Variants in FAM3D observed in about 807,000 individuals in gnomAD.
FAM3D encodes the protein protein FAM3D.
FAM3D carries 26 observed loss-of-function variants against 29.8 expected under a neutral mutation model. The ratio of observed to expected loss-of-function variants is 0.87; its 90% CI spans 0.64 to 1.21. The LOEUF (loss-of-function observed/expected upper bound fraction) is 1.21, where lower values mean the gene tolerates loss of function less well. Ranked by LOEUF, FAM3D falls within the 50% of genes most tolerant of loss-of-function variation. FAM3D has a pLI of 0.00. For synonymous variants in FAM3D, 115 were observed against 102.3 expected (o/e 1.12, Z -0.75); for missense variants, 253 against 290.9 (o/e 0.87, Z 0.95).
intron 6 of FAM3D, among the ~76,000 whole-genome samples, chr3:58,643,074 C>T (rs1042476513): frequency 2.0e-5 from 3 of 152,232 alleles, no homozygotes; most frequent in Admixed American, 6.5e-5. Flanking sequence ...CTGAACCACC[C>T]GGGGTCTGTC....
chr3:58,666,339 C>A (rs1169444564), intron 1 of FAM3D, among the ~76,000 whole-genome samples: 1 of 152,176 alleles, frequency 6.6e-6, no homozygotes, highest in East Asian at 1.9e-4. Flanking sequence ...CCCCAGAATC[C>A]TTTTTATCAC....
At chr3:58,647,370 C>A (rs1318861673) in intron 4 of FAM3D, among the ~76,000 whole-genome samples, 1 of 152,202 alleles carries the variant, frequency 6.6e-6, no homozygotes, top group East Asian at 1.9e-4. Context: ...GGGGCCCAGC[C>A]CCCACCTATG....
At position 58,666,562 on chromosome 3, in the gene FAM3D, T is replaced by C. The variant is rs1210738264; in HGVS notation, c.-39+14A>G. The C allele has an allele frequency of 6.6e-6, 1 of 152,232 alleles. No homozygotes were observed. Among genetic ancestry groups the C allele is most frequent in the Non-Finnish European group, 1.5e-5 (1 of 68,056 alleles). The allele number at this position is 152,232 out of a possible 1,614,324, so 9.4% of individuals were successfully genotyped here. ...CCTGGAACCATAGCCCTTTCCATTC[T>C]TGGGGGGACGTACCCGAGGGCTCGA... On this transcript the variant is annotated intron_variant, in intron 1 of 9. Transcript: ENST00000358781.
At chr3:58,649,512 A>C (rs2066570911) in intron 3 of FAM3D, 174 bp from the exon 4 acceptor site, 1 of 683,616 alleles carries the variant, frequency 1.5e-6, no homozygotes, top group Non-Finnish European at 2.6e-6. Flanking sequence ...ATACACACAC[A>C]GCACACATAT....
chr3:58,638,667 T>A (rs2066243035), intron 7 of FAM3D, among the ~76,000 whole-genome samples: 1 of 152,232 alleles, frequency 6.6e-6, no homozygotes, highest in Admixed American at 6.5e-5. Context: ...GGGCCCCGTG[T>A]GACTGCCCTG....
intron 6 of FAM3D, among the ~76,000 whole-genome samples, chr3:58,642,740 C>G (rs990762900): frequency 3.3e-5 from 5 of 152,138 alleles, no homozygotes; most frequent in Non-Finnish European, 7.4e-5. Context: ...TGCCTCCAGC[C>G]CCCCTACTCC....
intron 5 of FAM3D, among the ~76,000 whole-genome samples, chr3:58,644,124 T>C (rs1230058210): frequency 6.6e-6 from 1 of 152,198 alleles, no homozygotes; most frequent in Non-Finnish European, 1.5e-5. Context: ...CACCCTTGTC[T>C]CTGGATGTGC....
At chr3:58,658,845 G>A (rs1279422437) in intron 1 of FAM3D, among the ~76,000 whole-genome samples, 1 of 152,172 alleles carries the variant, frequency 6.6e-6, no homozygotes, top group Non-Finnish European at 1.5e-5. Context: ...TAAGTCTGGG[G>A]CTACTGAGGT....
chr3:58,638,868 G>A (rs1251177356), intron 7 of FAM3D, among the ~76,000 whole-genome samples: 1 of 152,232 alleles, frequency 6.6e-6, no homozygotes, highest in African/African-American at 2.4e-5. Context: ...GACAAAAGGA[G>A]GGAGCTCTTA....
In FAM3D at chr3:58,644,621, C is replaced by A. The variant is rs150328420; in HGVS notation, c.263+888G>T. Among the ~76,000 whole-genome samples, 585 of 152,304 alleles carry A rather than the reference C, an allele frequency of 3.8e-3. 2 individuals carry two copies. The highest frequency in any genetic ancestry group is 6.5e-3 in the Non-Finnish European group (440 of 68,020). ...CTGGGCTAGGCTTGGTCATGTGACCCAGGCCAATCAATGAAATACAGGCTT... is the reference window on the plus strand; with the variant it reads ...CTGGGCTAGGCTTGGTCATGTGACCAAGGCCAATCAATGAAATACAGGCTT... On this transcript the variant is annotated intron_variant, in intron 5 of 9. Transcript: ENST00000358781.
At position 58,637,144 on chromosome 3, in the gene FAM3D, G is replaced by T; in HGVS notation, c.455C>A (p.Thr152Asn). 6.2e-7 allele frequency: 1 copy of T among 1,613,854 alleles called. No individual in the cohort carries two copies. Among genetic ancestry groups the T allele is most frequent in the Non-Finnish European group, 8.5e-7 (1 of 1,179,868 alleles). ...VLVASYDDPG[T>N]KMNDESRKLF... is the part of the protein sequence containing the mutation. The stretch of plus-strand genomic sequence containing the variant: ...GCAGGTAGAGTTTTCTACTTACTTG[G>T]TCCCTGGATCGTCGTAGGAGGCCAC... Residue 152 changes from threonine to asparagine, a missense_variant, in exon 8 of 10, where the codon ACC (threonine) becomes AAC (asparagine). Physicochemically the swap from Thr to Asn is moderately conservative, Grantham distance 65. Transcript: ENST00000358781.
intron 2 of FAM3D, 104 bp downstream of exon 2, chr3:58,655,447 C>A: frequency 6.9e-7 from 1 of 1,458,082 alleles, no homozygotes; most frequent in South Asian, 1.3e-5. Context: ...TCCTGGAATT[C>A]GGGCCTGACC....
rs150004904 is a variant in FAM3D, at chr3:58,649,331, C to A, written c.129G>T (p.Ser43=). 19 of 1,612,654 alleles carry A rather than the reference C, an allele frequency of 1.2e-5. No individual in the cohort carries two copies. The highest frequency in any genetic ancestry group is 5.0e-5 in the Admixed American group (3 of 59,892). ...TIRLPRWLAA[S]PTKEIQVKKY... is the part of the protein sequence containing the mutation. Reference sequence around the variant, plus strand: ...GATACTCACGGATCTCCTTGGTGGGCGAGGCTGCTGGAGAGAAGACAGAAT... The same window carrying A: ...GATACTCACGGATCTCCTTGGTGGGAGAGGCTGCTGGAGAGAAGACAGAAT... Residue 43 remains serine (S), a synonymous_variant, in exon 4 of 10, where the codon TCG becomes TCT. Coordinates refer to ENST00000358781, the MANE Select transcript of FAM3D (RefSeq NM_138805.3).
intron 1 of FAM3D, among the ~76,000 whole-genome samples, chr3:58,663,712 C>T (rs557864750): frequency 1.3e-5 from 2 of 152,280 alleles, no homozygotes; most frequent in South Asian, 4.1e-4. Context: ...GCTTCCATAC[C>T]AGAAGCCACA....
rs76752946 is a variant in FAM3D, at chr3:58,634,378, G to C, written c.586-10C>G. The C allele has an allele frequency of 5.3e-4, 854 of 1,612,254 alleles. 15 individuals carry two copies. In the East Asian group the frequency reaches 0.014, roughly 26 times the overall value. On this transcript the variant is annotated splice_polypyrimidine_tract_variant and intron_variant, in intron 9 of 9. Transcript: ENST00000358781. This position sits in a 1 kb window ranked among gnomAD's most constrained non-coding sequence, Gnocchi z 4.6. ...GGCTGTTCTTTAAGAACTAGAGAGA[G>C]AGAAGACAGAGAAATATAGGCAGTG... is the stretch of plus-strand genomic sequence containing the variant.
chr3:58,655,628 A>C (rs912669150), intron 1 of FAM3D, 27 bp from the exon 2 acceptor site: 3 of 1,586,676 alleles, frequency 1.9e-6, no homozygotes. Flanking sequence ...ATCCAGTCGG[A>C]AACTGGCATC....
intron 9 of FAM3D, 106 bp downstream of exon 9, chr3:58,636,188 T>A: frequency 6.7e-7 from 1 of 1,486,624 alleles, no homozygotes; most frequent in Non-Finnish European, 9.0e-7. Flanking sequence ...CCCCAGACAA[T>A]CCTCCCAATT....
At position 58,634,252 on chromosome 3, in the gene FAM3D, C is replaced by G; in HGVS notation, c.*27G>C. The stretch of plus-strand genomic sequence containing the variant: ...AGTCAGGCAGGAGCTTCTTCAGGCC[C>G]CTGGCTGAGGAAGAGCCACAGCCAC... On this transcript the variant is annotated 3_prime_UTR_variant, in exon 10 of 10. Transcript: ENST00000358781. This position sits in a 1 kb window ranked among gnomAD's most constrained non-coding sequence, Gnocchi z 4.6. 6.2e-7 allele frequency: 1 copy of G among 1,607,248 alleles called. No homozygotes were observed. The highest frequency in any genetic ancestry group is 2.2e-5 in the East Asian group (1 of 44,808).
chr3:58,644,240 G>A (rs144516942), intron 5 of FAM3D, among the ~76,000 whole-genome samples: 5 of 152,314 alleles, frequency 3.3e-5, no homozygotes, highest in South Asian at 4.1e-4. Flanking sequence ...CAGCTACAGC[G>A]ACTGGCTGAT....
Sources: allele counts gnomAD v4.1 joint callset (sites outside exome capture counted in the v4.1 genomes callset), GRCh38; gene constraint gnomAD v4.1.1; non-coding constraint Gnocchi (gnomAD v3.1); transcripts MANE v1.5; gene names NCBI Gene and HGNC (gene_info 2026-07-23, HGNC 2026-07-21).